Variants in L3MBTL4 observed in about 807,000 individuals in gnomAD.
L3MBTL4 encodes L3MBTL histone methyl-lysine binding protein 4, also known as lethal(3)malignant brain tumor-like protein 4.
In L3MBTL4, 70 loss-of-function variants were observed where a neutral mutation model predicts 84.5. The ratio of observed to expected loss-of-function variants is 0.83; its 90% CI spans 0.68 to 1.01. The LOEUF is 1.01. Among genes scored for constraint, L3MBTL4 ranks in the 50% least tolerant of loss-of-function variants. The probability of loss-of-function intolerance (pLI) is 0.00; values close to 1 mark genes in which losing one functional copy is unlikely to be tolerated. For missense variants in L3MBTL4, 715 were observed against 754.8 expected, an observed-to-expected ratio of 0.95 and a Z score of 0.62; for synonymous variants, 274 against 259.8, an observed-to-expected ratio of 1.05 and a Z score of -0.52.
chr18:5,971,066 T>C (rs1376014805), intron 16 of L3MBTL4, among the ~76,000 whole-genome samples: 2 of 152,264 alleles, frequency 1.3e-5, no homozygotes, highest in African/African-American at 2.4e-5. Flanking sequence ...TGTCCAACAC[T>C]GACCTTTTTA....
chr18:5,957,017 A>G (rs2095231089), intron 18 of L3MBTL4, among the ~76,000 whole-genome samples: 1 of 152,250 alleles, frequency 6.6e-6, no homozygotes, highest in Non-Finnish European at 1.5e-5. Flanking sequence ...ATACATATGC[A>G]TATTTAAAAT....
At chr18:6,207,557 T>C (rs1301061192) in intron 12 of L3MBTL4, among the ~76,000 whole-genome samples, 1 of 152,188 alleles carries the variant, frequency 6.6e-6, no homozygotes, top group Admixed American at 6.5e-5. Context: ...GTTCACCTGG[T>C]TGAGCACTCT....
chr18:6,236,098 A>C (rs1016647864), intron 10 of L3MBTL4, among the ~76,000 whole-genome samples: 1 of 152,194 alleles, frequency 6.6e-6, no homozygotes, highest in Non-Finnish European at 1.5e-5. Flanking sequence ...TTAATTCTAA[A>C]ATTCAGATAG....
At chr18:6,045,220 G>A (rs1313793980) in intron 16 of L3MBTL4, among the ~76,000 whole-genome samples, 1 of 152,168 alleles carries the variant, frequency 6.6e-6, no homozygotes, top group Non-Finnish European at 1.5e-5. Context: ...AAGGGATTGG[G>A]GGCCTACTTT....
chr18:6,185,808 C>T (rs1180028657), intron 12 of L3MBTL4, among the ~76,000 whole-genome samples: 2 of 152,014 alleles, frequency 1.3e-5, no homozygotes, highest in African/African-American at 4.8e-5. Flanking sequence ...TCAACAGGGG[C>T]TGGGGTCAAC....
chr18:6,229,845 C>G (rs1442523139), intron 10 of L3MBTL4, among the ~76,000 whole-genome samples: 1 of 152,128 alleles, frequency 6.6e-6, no homozygotes, highest in Non-Finnish European at 1.5e-5. Flanking sequence ...ATCTCTATCC[C>G]CATGTGAGGA....
At chr18:6,101,460 T>A (rs1247301402) in intron 14 of L3MBTL4, among the ~76,000 whole-genome samples, 1 of 152,220 alleles carries the variant, frequency 6.6e-6, no homozygotes, top group Admixed American at 6.5e-5. Flanking sequence ...TATTGGAGAC[T>A]CCTCCTAAAC....
intron 4 of L3MBTL4, among the ~76,000 whole-genome samples, chr18:6,279,951 A>G (rs1276355199): frequency 6.6e-6 from 1 of 152,196 alleles, no homozygotes; most frequent in Non-Finnish European, 1.5e-5. Flanking sequence ...ATTTTCCTCT[A>G]TTCAAGACAT....
intron 16 of L3MBTL4, among the ~76,000 whole-genome samples, chr18:6,065,082 C>T (rs1300115005): frequency 6.6e-6 from 1 of 151,818 alleles, no homozygotes; most frequent in East Asian, 1.9e-4. Flanking sequence ...TTATAGAATG[C>T]TTTTTCTGTG....
chr18:6,011,629 T>C (rs937163379), intron 16 of L3MBTL4, among the ~76,000 whole-genome samples: 1 of 152,200 alleles, frequency 6.6e-6, no homozygotes, highest in Non-Finnish European at 1.5e-5. Context: ...CAGCATTTAT[T>C]TACCCTTGTG....
intron 10 of L3MBTL4, among the ~76,000 whole-genome samples, chr18:6,218,848 A>C (rs144866229): frequency 1.4e-3 from 220 of 152,236 alleles, no homozygotes; most frequent in Non-Finnish European, 2.7e-3. Context: ...GTAGGGCTGC[A>C]GGGGGAGTGG....
At chr18:6,357,307 G>C (rs1425879235) in intron 1 of L3MBTL4, among the ~76,000 whole-genome samples, 1 of 152,112 alleles carries the variant, frequency 6.6e-6, no homozygotes, top group Admixed American at 6.5e-5. Flanking sequence ...GACATTCTGT[G>C]AAATTCCTAA....
intron 4 of L3MBTL4, among the ~76,000 whole-genome samples, chr18:6,290,803 C>T (rs1246346655): frequency 1.3e-5 from 2 of 152,148 alleles, no homozygotes; most frequent in Non-Finnish European, 1.5e-5. Flanking sequence ...ACTAGGATTA[C>T]AGGAGTGAGC....
At chr18:6,129,980 T>G (rs2059823915) in intron 14 of L3MBTL4, among the ~76,000 whole-genome samples, 1 of 152,180 alleles carries the variant, frequency 6.6e-6, no homozygotes, top group African/African-American at 2.4e-5. Context: ...TGAATTAAAG[T>G]CTCCTTATAT....
At chr18:6,080,856 G>C in intron 16 of L3MBTL4, 25 bp downstream of exon 16, 1 of 1,500,444 alleles carries the variant, frequency 6.7e-7, no homozygotes, top group Non-Finnish European at 9.2e-7. Flanking sequence ...TATATTCTGT[G>C]TTTTGCTAGT....
chr18:6,163,267 G>C (rs984059956), intron 13 of L3MBTL4, among the ~76,000 whole-genome samples: 1 of 93,638 alleles, frequency 1.1e-5, no homozygotes. Flanking sequence ...TGTGGGGGGG[G>C]GGTGGGTGTG....
chr18:6,240,813 G>A (rs772121370), intron 8 of L3MBTL4, among the ~76,000 whole-genome samples: 15 of 152,176 alleles, frequency 9.9e-5, no homozygotes, highest in South Asian at 2.1e-4. Flanking sequence ...CAGTGACACC[G>A]CCTGCCAGTG....
chr18:5,993,513 T>C (rs2053799533), intron 16 of L3MBTL4, among the ~76,000 whole-genome samples: 1 of 152,166 alleles, frequency 6.6e-6, no homozygotes, highest in Non-Finnish European at 1.5e-5. Context: ...TAAAATATGA[T>C]GAGCTAACCT....
intron 4 of L3MBTL4, among the ~76,000 whole-genome samples, chr18:6,275,139 A>G (rs2049027173): frequency 6.6e-6 from 1 of 152,130 alleles, no homozygotes; most frequent in South Asian, 2.1e-4. Context: ...AGGGTACTAA[A>G]GCAGAGGAAA....
Sources: allele counts gnomAD v4.1 joint callset (sites outside exome capture counted in the v4.1 genomes callset), GRCh38; gene constraint gnomAD v4.1.1; transcripts MANE v1.5; gene names NCBI Gene and HGNC (gene_info 2026-07-23, HGNC 2026-07-21).